ZNF621: variants seen among roughly 807,000 people sequenced by gnomAD.
The protein encoded by ZNF621 is zinc finger protein 621.
Under a neutral mutation model 12.7 loss-of-function variants are expected in ZNF621, and 6 were observed. That is an observed-to-expected ratio of 0.47 (90% CI 0.26 to 0.93). The LOEUF (loss-of-function observed/expected upper bound fraction) is 0.93, where lower values mean the gene tolerates loss of function less well. Among genes scored for constraint, ZNF621 ranks in the 40% least tolerant of loss-of-function variants. The pLI, the probability that ZNF621 is intolerant of heterozygous loss-of-function variation, is 0.15. For synonymous variants in ZNF621, 156 were observed against 190.3 expected, an observed-to-expected ratio of 0.82 and a Z score of 1.48; for missense variants, 474 against 524.0, an observed-to-expected ratio of 0.90 and a Z score of 0.93.
chr3:40,536,698 A>G lies in ZNF621; in HGVS notation c.*3608A>G, dbSNP rs1698872250. 6.6e-6 allele frequency: 1 copy of G among 152,206 alleles called. No homozygotes were observed. The highest frequency in any genetic ancestry group is 2.1e-4 in the South Asian group (1 of 4,834). 9.4% of individuals were successfully genotyped at this position (152,206 alleles called of 1,614,324 possible). A position where few individuals can be genotyped will look rare whatever the true frequency, so the allele number is the denominator to read the frequency against. ...AATGAATTAATGATTATCAAAGTAC[A>G]GGCATACCTCATTTTATTGCAGTTT... On this transcript the variant is annotated 3_prime_UTR_variant, in exon 5 of 5. Transcript: ENST00000339296.
chr3:40,525,657 G>C, intron 1 of ZNF621, 122 bp from the exon 2 acceptor site: 1 of 749,384 alleles, frequency 1.3e-6, no homozygotes, highest in Non-Finnish European at 2.3e-6. Context: ...AGAACAATTA[G>C]AGGGAGTCCT....
chr3:40,532,515 G>T lies in ZNF621; in HGVS notation c.745G>T (p.Ala249Ser). 1 of 1,614,104 alleles carries T rather than the reference G, an allele frequency of 6.2e-7. No individual in the cohort carries two copies. Among genetic ancestry groups the T allele is most frequent in the Non-Finnish European group, 8.5e-7 (1 of 1,180,024 alleles). The part of the protein sequence containing the change: ...ECGKAFRRSA[A>S]YLQHQRLHTG... ...TGGAAAGGCTTTCCGTAGGAGTGCG[G>T]CATACCTGCAGCATCAGAGATTACA... Residue 249 changes from alanine to serine, a missense_variant, in exon 5 of 5, where the codon GCA (alanine) becomes TCA (serine). Coordinates refer to ENST00000339296, the MANE Select transcript of ZNF621 (RefSeq NM_198484.5).
chr3:40,533,115 T>A lies in ZNF621; in HGVS notation c.*25T>A. ...AGCTTTATCTTGGCAGTCTTACGGC[T>A]CTTATGCCTAGCAAATCTCCAGCCT... On this transcript the variant is annotated 3_prime_UTR_variant, in exon 5 of 5. Transcript: ENST00000339296. The A allele has an allele frequency of 6.5e-7, 1 of 1,539,818 alleles. No homozygotes were observed. The highest frequency in any genetic ancestry group is 8.8e-7 in the Non-Finnish European group (1 of 1,140,564).
intron 4 of ZNF621, among the ~76,000 whole-genome samples, chr3:40,531,390 T>G (rs868813110): frequency 6.6e-6 from 1 of 152,080 alleles, no homozygotes; most frequent in South Asian, 2.1e-4. Flanking sequence ...TCTTTCTTAT[T>G]CTCTCCTTCT....
intron 2 of ZNF621, 66 bp downstream of exon 2, chr3:40,525,930 A>ATGT: frequency 1.3e-6 from 2 of 1,588,830 alleles, no homozygotes; most frequent in African/African-American, 1.4e-5. Context: ...ATTAGCTATC[A>ATGT]GATAATCAGG....
chr3:40,530,130 T>C, intron 3 of ZNF621, 79 bp from the exon 4 acceptor site: 1 of 1,205,678 alleles, frequency 8.3e-7, no homozygotes, highest in East Asian at 2.4e-5. Context: ...AGTAGCCTGA[T>C]GGAGGGTGGG....
At chr3:40,529,100 C>T (rs1196311508) in intron 2 of ZNF621, among the ~76,000 whole-genome samples, 2 of 152,182 alleles carry the variant, frequency 1.3e-5, no homozygotes, top group African/African-American at 2.4e-5. Flanking sequence ...GGCTCCAGAG[C>T]TGGGTAGATG....
chr3:40,535,766 G>C lies in ZNF621; in HGVS notation c.*2676G>C, dbSNP rs1383584264. ...GGGGAAGGGATTTTCAGAATATGTT[G>C]AGCAGCTGTAAAATATCAGATACCC... On this transcript the variant is annotated 3_prime_UTR_variant, in exon 5 of 5. Transcript: ENST00000339296. 6.6e-6 allele frequency: 1 copy of C among 152,080 alleles called. No homozygotes were observed. Among genetic ancestry groups the C allele is most frequent in the African/African-American group, 2.4e-5 (1 of 41,400 alleles). 9.4% of individuals were successfully genotyped at this position (152,080 alleles called of 1,614,324 possible). A position where few individuals can be genotyped will look rare whatever the true frequency, so the allele number is the denominator to read the frequency against.
At chr3:40,525,950 G>A (rs1229446329) in intron 2 of ZNF621, 86 bp downstream of exon 2, 2 of 1,535,182 alleles carry the variant, frequency 1.3e-6, no homozygotes, top group African/African-American at 2.8e-5. Flanking sequence ...GAAAGGATGA[G>A]GAAGGCCTAA....
At position 40,539,466 on chromosome 3, in the gene ZNF621, A is replaced by G. The variant is rs1443900184; in HGVS notation, c.*6376A>G. The G allele has an allele frequency of 6.6e-6, 1 of 152,240 alleles. No homozygotes were observed. Among genetic ancestry groups the G allele is most frequent in the African/African-American group, 2.4e-5 (1 of 41,462 alleles). 9.4% of individuals were successfully genotyped at this position (152,240 alleles called of 1,614,324 possible). A position where few individuals can be genotyped will look rare whatever the true frequency, so the allele number is the denominator to read the frequency against. On this transcript the variant is annotated 3_prime_UTR_variant, in exon 5 of 5. Transcript: ENST00000339296. The stretch of plus-strand genomic sequence containing the variant: ...TTAAAGTATGTACATTGTCAGATAT[A>G]ATGCTATTGCAAACTTAATAGACTA...
In ZNF621 at chr3:40,529,370, G is replaced by T; in HGVS notation, c.76G>T (p.Ala26Ser). 6.2e-7 allele frequency: 1 copy of T among 1,613,938 alleles called. No individual in the cohort carries two copies. Among genetic ancestry groups the T allele is most frequent in the Non-Finnish European group, 8.5e-7 (1 of 1,179,880 alleles). ...TGTTTACTTCACCCAGAATCAATGG[G>T]CCAGCCTCGACCCTGCGCAGAGGGC... ...VAVYFTQNQW[A>S]SLDPAQRALY... The change falls in exon 3 of 5, where the codon GCC (alanine) becomes TCC (serine). Residue 26 changes from alanine (A) to serine (S), a missense_variant. Physicochemically the swap from Ala to Ser is moderately conservative, Grantham distance 99 (BLOSUM62 1). Coordinates refer to ENST00000339296, the MANE Select transcript of ZNF621 (RefSeq NM_198484.5).
At chr3:40,528,788 T>C (rs1231530477) in intron 2 of ZNF621, among the ~76,000 whole-genome samples, 1 of 152,230 alleles carries the variant, frequency 6.6e-6, no homozygotes, top group Non-Finnish European at 1.5e-5. Context: ...TTGCTATCTG[T>C]ATATTTGCTT....
In ZNF621 at chr3:40,538,368, C is replaced by A; in HGVS notation, c.*5278C>A. 1 of 238,986 alleles carries A rather than the reference C, an allele frequency of 4.2e-6. No individual in the cohort carries two copies. The highest frequency in any genetic ancestry group is 8.6e-6 in the Non-Finnish European group (1 of 116,442). The allele number at this position is 238,986 out of a possible 1,614,324, so 14.8% of individuals were successfully genotyped here. Reference sequence around the variant, plus strand: ...TCTCTACTAAAAATACAAAAATTAGCTGGATGTGGTGGTGTGTGCCTGTAA... The same window carrying A: ...TCTCTACTAAAAATACAAAAATTAGATGGATGTGGTGGTGTGTGCCTGTAA... On this transcript the variant is annotated 3_prime_UTR_variant, in exon 5 of 5. Transcript: ENST00000339296.
At chr3:40,530,743 G>A (rs1350277366) in intron 4 of ZNF621, among the ~76,000 whole-genome samples, 1 of 152,124 alleles carries the variant, frequency 6.6e-6, no homozygotes, top group Non-Finnish European at 1.5e-5. Flanking sequence ...GAAAAGAATG[G>A]CTTTAATTTG....
chr3:40,523,811 G>T (rs1698515437), upstream of ZNF621, among the ~76,000 whole-genome samples: 1 of 82,954 alleles, frequency 1.2e-5, no homozygotes, highest in South Asian at 4.6e-4. Flanking sequence ...AAAAAACAAA[G>T]TCTGTCCATC....
At position 40,533,247 on chromosome 3, in the gene ZNF621, TCTC is replaced by T. The variant is rs975582924; in HGVS notation, c.*163_*165del. The T allele has an allele frequency of 5.8e-6, 7 of 1,216,412 alleles. No individual in the cohort carries two copies. The highest frequency in any genetic ancestry group is 7.8e-6 in the Non-Finnish European group (7 of 902,466). 75.4% of individuals were successfully genotyped at this position (1,216,412 alleles called of 1,614,324 possible). A position where few individuals can be genotyped will look rare whatever the true frequency, so the allele number is the denominator to read the frequency against. ...CCTCCCCCTCCTGGGTTCAAGCGAT[TCTC>T]CTCCTTCAGACTCTCGAATAGCTGG... On this transcript the variant is annotated 3_prime_UTR_variant, in exon 5 of 5. Coordinates refer to ENST00000339296, the MANE Select transcript of ZNF621 (RefSeq NM_198484.5).
At position 40,538,951 on chromosome 3, in the gene ZNF621, G is replaced by A. The variant is rs1165556173; in HGVS notation, c.*5861G>A. The A allele has an allele frequency of 1.3e-5, 2 of 152,588 alleles. No individual in the cohort carries two copies. The highest frequency in any genetic ancestry group is 2.9e-5 in the Non-Finnish European group (2 of 68,316). 9.5% of individuals were successfully genotyped at this position (152,588 alleles called of 1,614,324 possible). The stretch of plus-strand genomic sequence containing the variant: ...AATAGCAAGATAACTAGACTTAGAA[G>A]TGGAACCTGCATATGTGACTGAATT... On this transcript the variant is annotated 3_prime_UTR_variant, in exon 5 of 5. Transcript: ENST00000339296.
Position 40,532,990 on chromosome 3 carries a change from T to C in ZNF621, c.1220T>C (p.Ile407Thr). 6.4e-7 allele frequency: 1 copy of C among 1,551,864 alleles called. No individual in the cohort carries two copies. Among genetic ancestry groups the C allele is most frequent in the East Asian group, 2.4e-5 (1 of 40,924 alleles). ...TTCATGCTGCTGCCTACATCTGGAA[T>C]ACCTTCTTCATCTGCCCAAATAGTG... ...NFFMLLPTSG[I>T]PSSSAQIVRV... The change falls in exon 5 of 5, where the codon ATA (isoleucine) becomes ACA (threonine). Residue 407 changes from isoleucine (I) to threonine (T), a missense_variant. Ile to Thr is a moderately conservative substitution (Grantham distance 89). Transcript: ENST00000339296.
Position 40,525,227 on chromosome 3 carries a change from T to A in ZNF621, c.-110T>A, listed in dbSNP as rs1238241107. Reference sequence around the variant, plus strand: ...CCAGCCCTTTGCCACCGAGGCCTGATCCTCTTTTCTGCCCTAAAGAACTTG... The same window carrying A: ...CCAGCCCTTTGCCACCGAGGCCTGAACCTCTTTTCTGCCCTAAAGAACTTG... On this transcript the variant is annotated 5_prime_UTR_variant, in exon 1 of 5. Transcript: ENST00000339296. 1.3e-5 allele frequency: 2 copies of A among 153,454 alleles called. No individual in the cohort carries two copies. The highest frequency in any genetic ancestry group is 4.8e-5 in the African/African-American group (2 of 41,466). 9.5% of individuals were successfully genotyped at this position (153,454 alleles called of 1,614,324 possible).
Sources: gnomAD v4.1 joint callset for allele counts (sites outside exome capture counted in the v4.1 genomes callset) on GRCh38, gnomAD v4.1.1 for gene constraint, MANE v1.5 for transcripts, NCBI Gene and HGNC (gene_info 2026-07-23, HGNC 2026-07-21) for gene names.